The following DNAAF9 variants were observed in gnomAD, a reference collection of about 807,000 sequenced individuals.
DNAAF9 encodes the protein shulin.
Under a neutral mutation model 167.0 loss-of-function variants are expected in DNAAF9, and 90 were observed. That is an observed-to-expected ratio of 0.54 (90% CI 0.45 to 0.64). The LOEUF is 0.64. Ranked by LOEUF, DNAAF9 falls within the 30% of genes least tolerant of loss-of-function variation. DNAAF9 has a pLI of 0.00. For synonymous variants in DNAAF9, 491 were observed against 508.8 expected (o/e 0.96, Z 0.47); for missense variants, 1,315 against 1,442.2 (o/e 0.91, Z 1.43).
At chr20:3,392,664 A>T (rs762699225) in intron 1 of DNAAF9, among the ~76,000 whole-genome samples, 1 of 152,218 alleles carries the variant, frequency 6.6e-6, no homozygotes, top group African/African-American at 2.4e-5. Flanking sequence ...CACTGCTTTT[A>T]TAACAACTGT....
intron 10 of DNAAF9, among the ~76,000 whole-genome samples, chr20:3,334,147 C>T (rs1013931826): frequency 6.6e-6 from 1 of 152,188 alleles, no homozygotes; most frequent in African/African-American, 2.4e-5. Flanking sequence ...ATCTTACCCA[C>T]AGCCTTGGTT....
At chr20:3,267,242 CCCCAAATTGT>C (rs1194494788) in intron 30 of DNAAF9, among the ~76,000 whole-genome samples, 2 of 152,184 alleles carry the variant, frequency 1.3e-5, no homozygotes, top group East Asian at 3.8e-4. Flanking sequence ...TCTTTCTTAT[CCCCAAATTGT>C]CCCAAATTAG....
chr20:3,350,676 T>A (rs1387227864), intron 7 of DNAAF9, among the ~76,000 whole-genome samples: 4 of 152,274 alleles, frequency 2.6e-5, no homozygotes, highest in African/African-American at 9.6e-5. Flanking sequence ...AATGTAAAGA[T>A]AAGGCTGGGA....
At chr20:3,353,932 T>G (rs527418536) in intron 7 of DNAAF9, among the ~76,000 whole-genome samples, 1 of 152,168 alleles carries the variant, frequency 6.6e-6, no homozygotes, top group East Asian at 1.9e-4. Context: ...TAGAATAAGG[T>G]AGAATGAATC....
intron 27 of DNAAF9, among the ~76,000 whole-genome samples, chr20:3,285,706 C>T (rs2068840555): frequency 7.3e-6 from 1 of 137,600 alleles, no homozygotes; most frequent in African/African-American, 2.8e-5. Context: ...GGGCCAGGAG[C>T]GGTGGCTCAT....
chr20:3,306,265 CA>C (rs2122995285), intron 20 of DNAAF9, among the ~76,000 whole-genome samples: 1 of 152,318 alleles, frequency 6.6e-6, no homozygotes, highest in African/African-American at 2.4e-5. Flanking sequence ...TCCCTCCCCA[CA>C]CCCCATCCTC....
intron 8 of DNAAF9, among the ~76,000 whole-genome samples, chr20:3,347,559 T>A (rs1356791360): frequency 6.6e-6 from 1 of 152,208 alleles, no homozygotes; most frequent in East Asian, 1.9e-4. Flanking sequence ...ACTTTTTCCC[T>A]ATTATTTAAA....
In DNAAF9 at chr20:3,315,669, C is replaced by A. The variant is rs2123030762; in HGVS notation, c.1590+66G>T. On this transcript the variant is annotated intron_variant, in intron 19 of 36. Coordinates refer to ENST00000252032, the MANE Select transcript of DNAAF9 (RefSeq NM_001009984.3). The surrounding 1 kb of genome is among the most constrained non-coding windows in gnomAD (Gnocchi z 4.1). Reference sequence around the variant, plus strand: ...AGTAGTGAGATGAAGCATTTTAATACCTTTATGAATTGCTTACATTATTTT... The same window carrying A: ...AGTAGTGAGATGAAGCATTTTAATAACTTTATGAATTGCTTACATTATTTT... The A allele has an allele frequency of 2.4e-6, 3 of 1,239,062 alleles. No homozygotes were observed. The highest frequency in any genetic ancestry group is 2.3e-5 in the East Asian group (1 of 43,168). The allele number at this position is 1,239,062 out of a possible 1,614,324, so 76.8% of individuals were successfully genotyped here. A position where few individuals can be genotyped will look rare whatever the true frequency, so the allele number is the denominator to read the frequency against.
At chr20:3,337,929 G>A (rs59428548) in intron 10 of DNAAF9, among the ~76,000 whole-genome samples, 5,289 of 148,748 alleles carry the variant, frequency 0.036, 116 homozygotes, top group African/African-American at 0.063. Flanking sequence ...CTTCTTTGAT[G>A]CTCTTCCTTT....
At chr20:3,313,784 A>G (rs1385165344) in intron 20 of DNAAF9, among the ~76,000 whole-genome samples, 1 of 152,218 alleles carries the variant, frequency 6.6e-6, no homozygotes, top group African/African-American at 2.4e-5. Context: ...AGCTACAAAC[A>G]AAGTACTACC....
At chr20:3,288,624 G>A (rs182726372) in intron 26 of DNAAF9, among the ~76,000 whole-genome samples, 17 of 152,220 alleles carry the variant, frequency 1.1e-4, no homozygotes, top group Non-Finnish European at 2.4e-4. Flanking sequence ...CTAAACTGCC[G>A]ACTCTCTATG....
intron 1 of DNAAF9, among the ~76,000 whole-genome samples, chr20:3,392,645 C>T (rs1040474188): frequency 7.9e-5 from 12 of 152,172 alleles, no homozygotes; most frequent in Non-Finnish European, 1.3e-4. Context: ...AAATAGTTAA[C>T]TCACTGCTCA....
At position 3,407,508 on chromosome 20, in the gene DNAAF9, G is replaced by A. The variant is rs2084080504; in HGVS notation, c.50C>T (p.Pro17Leu). Residue 17 changes from proline (P) to leucine (L), a missense_variant, in exon 1 of 37, where the codon CCT becomes CTT. This residue lies in a region of DNAAF9 where 981 missense variants were observed against 1,012.5 expected (regional missense o/e 0.97). Transcript: ENST00000252032. ...RRQGLPRARS[P>L]GGSSRGSPSV... Reference sequence around the variant, plus strand: ...GGGTGACCCGCGGCTGGAGCCGCCAGGGGACCGAGCGCGGGGCAGCCCCTG... The same window carrying A: ...GGGTGACCCGCGGCTGGAGCCGCCAAGGGACCGAGCGCGGGGCAGCCCCTG... The A allele has an allele frequency of 3.1e-6, 4 of 1,279,646 alleles. No homozygotes were observed. Among genetic ancestry groups the A allele is most frequent in the East Asian group, 6.3e-5 (2 of 31,974 alleles). The allele number at this position is 1,279,646 out of a possible 1,614,324, so 79.3% of individuals were successfully genotyped here. A position where few individuals can be genotyped will look rare whatever the true frequency, so the allele number is the denominator to read the frequency against.
In DNAAF9 at chr20:3,322,712, A is replaced by C; in HGVS notation, c.1266-16T>G. 6.2e-7 allele frequency: 1 copy of C among 1,603,614 alleles called. No individual in the cohort carries two copies. Among genetic ancestry groups the C allele is most frequent in the South Asian group, 1.1e-5 (1 of 90,866 alleles). ...CATCTTGGAGCTGTAGACCAGAAAC[A>C]AAACAAAAGAAAAATCAGTCTGCTC... On this transcript the variant is annotated splice_polypyrimidine_tract_variant and intron_variant, in intron 14 of 36. Transcript: ENST00000252032.
At chr20:3,349,193 A>AAAAAAAC in intron 7 of DNAAF9, among the ~76,000 whole-genome samples, 1 of 58,868 alleles carries the variant, frequency 1.7e-5, no homozygotes, top group East Asian at 3.4e-4. Flanking sequence ...CGTCTCTACC[A>AAAAAAAC]AAAAAAAAAA....
intron 23 of DNAAF9, chr20:3,295,902 A>C: frequency 1.5e-6 from 2 of 1,369,184 alleles, no homozygotes. Flanking sequence ...CCGTCAATTG[A>C]ATGTTCTCTC....
At chr20:3,345,487 G>C (rs1048537812) in intron 8 of DNAAF9, among the ~76,000 whole-genome samples, 8 of 152,176 alleles carry the variant, frequency 5.3e-5, no homozygotes, top group African/African-American at 1.7e-4. Flanking sequence ...AGGTCACAGA[G>C]CTAGTGAACT....
At chr20:3,370,466 G>A (rs2083492486) in intron 6 of DNAAF9, among the ~76,000 whole-genome samples, 1 of 151,570 alleles carries the variant, frequency 6.6e-6, no homozygotes, top group Non-Finnish European at 1.5e-5. Context: ...CTGGAGTGCA[G>A]TGGCATGATC....
At chr20:3,377,682 A>C (rs1021286376) in intron 3 of DNAAF9, among the ~76,000 whole-genome samples, 5 of 151,746 alleles carry the variant, frequency 3.3e-5, no homozygotes, top group Non-Finnish European at 5.9e-5. Flanking sequence ...CTGGTCTCGA[A>C]CTCCTAAGCT....
Sources: gnomAD v4.1 joint callset for allele counts (sites outside exome capture counted in the v4.1 genomes callset) on GRCh38, gnomAD v4.1.1 for gene constraint, gnomAD v4.1.1 regional missense constraint, Gnocchi (gnomAD v3.1) non-coding constraint, MANE v1.5 for transcripts, NCBI Gene and HGNC (gene_info 2026-07-23, HGNC 2026-07-21) for gene names.